Variants in MOB4 observed in about 807,000 individuals in gnomAD.
MOB4 encodes the protein MOB-like protein phocein.
In MOB4, 4 loss-of-function variants were observed where a neutral mutation model predicts 32.2. That is an observed-to-expected ratio of 0.12 (90% CI 0.06 to 0.28). The LOEUF is 0.28. MOB4 is among the 10% of genes least tolerant of loss of function. The pLI, the probability that MOB4 is intolerant of heterozygous loss-of-function variation, is 1.00. For synonymous variants in MOB4, 88 were observed against 88.1 expected, an observed-to-expected ratio of 1.00 and a Z score of 0.01; for missense variants, 158 against 271.2, an observed-to-expected ratio of 0.58 and a Z score of 2.93.
At chr2:197,537,894 C>G (rs1195705774) in intron 3 of MOB4, among the ~76,000 whole-genome samples, 1 of 152,126 alleles carries the variant, frequency 6.6e-6, no homozygotes, top group African/African-American at 2.4e-5. Context: ...ATTCTCCTGC[C>G]TCAGCCTCCC....
At chr2:197,535,466 T>C in intron 2 of MOB4, 64 bp from the exon 3 acceptor site, 1 of 1,458,958 alleles carries the variant, frequency 6.9e-7, no homozygotes, top group Non-Finnish European at 9.3e-7. Context: ...AAATTATATG[T>C]ACTTAACATA....
intron 1 of MOB4, chr2:197,516,564 A>C (rs754528603): frequency 2.0e-6 from 1 of 495,612 alleles, no homozygotes; most frequent in South Asian, 1.5e-5. Flanking sequence ...AACACAGCCT[A>C]CCTCGACCCG....
At chr2:197,545,097 A>G (rs1021547668) in intron 5 of MOB4, among the ~76,000 whole-genome samples, 1 of 152,244 alleles carries the variant, frequency 6.6e-6, no homozygotes, top group African/African-American at 2.4e-5. Flanking sequence ...AGACTTGTAC[A>G]TGAATATTCA....
chr2:197,545,024 C>T (rs905854765), intron 5 of MOB4, among the ~76,000 whole-genome samples: 12 of 152,270 alleles, frequency 7.9e-5, no homozygotes, highest in African/African-American at 2.9e-4. Context: ...GAGTTGCATA[C>T]GACCCAGGAA....
chr2:197,542,061 T>C (rs1001505395), intron 5 of MOB4, among the ~76,000 whole-genome samples: 1 of 152,250 alleles, frequency 6.6e-6, no homozygotes, highest in Non-Finnish European at 1.5e-5. Flanking sequence ...GGAAACTGAA[T>C]CAAGAAGGCT....
chr2:197,535,690 G>A lies in MOB4; in HGVS notation c.224+60G>A. ...TCACAAAACTAGCTTTCATATTAAT[G>A]ATAATTATGAATTGTAAAATTTACT... On this transcript the variant is annotated intron_variant, in intron 3 of 7. Coordinates refer to ENST00000323303, the MANE Select transcript of MOB4 (RefSeq NM_015387.5). 2 of 1,536,998 alleles carry A rather than the reference G, an allele frequency of 1.3e-6. 1 individual carries two copies. The highest frequency in any genetic ancestry group is 2.5e-5 in the South Asian group (2 of 80,330).
chr2:197,546,972 G>A (rs1378481459), intron 5 of MOB4, among the ~76,000 whole-genome samples: 2 of 152,196 alleles, frequency 1.3e-5, no homozygotes, highest in Non-Finnish European at 2.9e-5. Context: ...GGGGCTGGGC[G>A]TGATGGCTTA....
At chr2:197,523,782 T>C in intron 2 of MOB4, 96 bp downstream of exon 2, 2 of 1,172,052 alleles carry the variant, frequency 1.7e-6, no homozygotes, top group South Asian at 1.7e-5. Context: ...TGTGCAGCAG[T>C]CTGCTTCCCA....
intron 3 of MOB4, among the ~76,000 whole-genome samples, chr2:197,539,503 C>T (rs1025153362): frequency 6.6e-6 from 1 of 151,720 alleles, no homozygotes; most frequent in Non-Finnish European, 1.5e-5. Context: ...ATTTTTGTGG[C>T]GATGGAGTTT....
chr2:197,524,021 C>G (rs963221390), intron 2 of MOB4, among the ~76,000 whole-genome samples: 1 of 152,152 alleles, frequency 6.6e-6, no homozygotes, highest in African/African-American at 2.4e-5. Context: ...AGGCCAATCA[C>G]TTGAGGCCAG....
intron 5 of MOB4, among the ~76,000 whole-genome samples, chr2:197,542,239 A>G (rs964594635): frequency 1.3e-5 from 2 of 152,240 alleles, no homozygotes; most frequent in Non-Finnish European, 2.9e-5. Flanking sequence ...ATTAGCATTA[A>G]GACCTGTAAA....
At chr2:197,522,003 A>G (rs1387316626) in intron 1 of MOB4, among the ~76,000 whole-genome samples, 1 of 152,196 alleles carries the variant, frequency 6.6e-6, no homozygotes, top group African/African-American at 2.4e-5. Flanking sequence ...ATAAGTGTCC[A>G]TGAAATCTTC....
rs563189149 is a variant in MOB4, at chr2:197,542,908, A to G, written c.354+2471A>G. On this transcript the variant is annotated intron_variant, in intron 5 of 7. Coordinates refer to ENST00000323303, the MANE Select transcript of MOB4 (RefSeq NM_015387.5). Reference sequence around the variant, plus strand: ...AAATTCAGAAACCAGTTAAAGGTCTAAAGATACAGTGATGTGGTAACCCAT... The same window carrying G: ...AAATTCAGAAACCAGTTAAAGGTCTGAAGATACAGTGATGTGGTAACCCAT... Among the ~76,000 whole-genome samples, 6 of 152,324 alleles carry G rather than the reference A, an allele frequency of 3.9e-5. No individual in the cohort carries two copies. In the East Asian group the frequency reaches 1.2e-3, roughly 29 times the overall value.
intron 2 of MOB4, among the ~76,000 whole-genome samples, chr2:197,524,177 T>C (rs2086568691): frequency 6.6e-6 from 1 of 152,056 alleles, no homozygotes; most frequent in African/African-American, 2.4e-5. Context: ...AAGGGTCTAA[T>C]GAGCTATGAT....
At position 197,548,391 on chromosome 2, in the gene MOB4, A is replaced by G; in HGVS notation, c.410A>G (p.Asn137Ser). ...HTLDGAACLLNSNKYFPSRVS... is the reference protein window; with the variant it reads ...HTLDGAACLLSSNKYFPSRVS... ...CTTGATGGTGCTGCATGTCTTCTGA[A>G]TAGCAATAAATATTTTCCCAGCAGG... The change falls in exon 6 of 8, where the codon AAT (asparagine) becomes AGT (serine). Residue 137 changes from asparagine (N) to serine (S), a missense_variant. Asn to Ser is a conservative substitution (Grantham distance 46, BLOSUM62 1). Coordinates refer to ENST00000323303, the MANE Select transcript of MOB4 (RefSeq NM_015387.5). 6.2e-7 allele frequency: 1 copy of G among 1,606,940 alleles called. No homozygotes were observed. Among genetic ancestry groups the G allele is most frequent in the Non-Finnish European group, 8.5e-7 (1 of 1,176,358 alleles).
intron 6 of MOB4, among the ~76,000 whole-genome samples, chr2:197,548,823 C>G (rs2087043777): frequency 6.6e-6 from 1 of 152,094 alleles, no homozygotes; most frequent in Non-Finnish European, 1.5e-5. Context: ...TCATATATGT[C>G]ATTCTGCAGA....
upstream of MOB4, chr2:197,515,931 C>T (rs1045731079): frequency 1.2e-4 from 85 of 710,476 alleles, no homozygotes; most frequent in South Asian, 7.1e-4. Flanking sequence ...CTCCGCCTAG[C>T]CCGCTTCTAC....
intron 5 of MOB4, among the ~76,000 whole-genome samples, chr2:197,541,041 C>T (rs1310470638): frequency 6.6e-6 from 1 of 151,846 alleles, no homozygotes; most frequent in Non-Finnish European, 1.5e-5. Flanking sequence ...GCTGAGATTA[C>T]AGGCATGCGC....
Position 197,532,791 on chromosome 2 carries a change from A to G in MOB4, c.124-2739A>G, listed in dbSNP as rs190126698. ...AGTTGTGCTATTAAGTGTGAAATAAATGCTACTAAGAGTTCTAGCCATAGA... is the reference window on the plus strand; with the variant it reads ...AGTTGTGCTATTAAGTGTGAAATAAGTGCTACTAAGAGTTCTAGCCATAGA... On this transcript the variant is annotated intron_variant, in intron 2 of 7. Transcript: ENST00000323303. Among the ~76,000 whole-genome samples, 378 of 152,194 alleles carry G rather than the reference A, an allele frequency of 2.5e-3. 2 individuals are homozygous for G. The highest frequency in any genetic ancestry group is 1.7e-3 in the Non-Finnish European group (116 of 67,986).
Sources: allele counts gnomAD v4.1 joint callset (sites outside exome capture counted in the v4.1 genomes callset), GRCh38; gene constraint gnomAD v4.1.1; transcripts MANE v1.5; gene names NCBI Gene and HGNC (gene_info 2026-07-23, HGNC 2026-07-21).